PACS1: variants seen among roughly 807,000 people sequenced by gnomAD.
PACS1 encodes the protein PACS-1.
A neutral mutation model predicts 115.0 loss-of-function variants in PACS1; 24 were observed. The observed-to-expected ratio is 0.21, with a 90% CI of 0.15 to 0.29. The LOEUF (loss-of-function observed/expected upper bound fraction) is 0.29. Ranked by LOEUF, PACS1 falls within the 10% of genes least tolerant of loss-of-function variation. The pLI, the probability that PACS1 is intolerant of heterozygous loss-of-function variation, is 1.00. For missense variants in PACS1, 838 were observed against 1,251.2 expected (o/e 0.67, Z 4.98); for synonymous variants, 453 against 504.5 (o/e 0.90, Z 1.37).
intron 1 of PACS1, among the ~76,000 whole-genome samples, chr11:66,149,021 G>A (rs993194341): frequency 2.0e-5 from 3 of 151,458 alleles, no homozygotes; most frequent in South Asian, 2.1e-4. Flanking sequence ...GCATTTGGTC[G>A]AAAAGAGATT....
chr11:66,136,978 G>A (rs2134587206), intron 1 of PACS1, among the ~76,000 whole-genome samples: 1 of 151,014 alleles, frequency 6.6e-6, no homozygotes, highest in African/African-American at 2.4e-5. Flanking sequence ...GATTTTTGGG[G>A]ATTTTTGAAA....
At chr11:66,169,000 T>G (rs1287259870) in intron 1 of PACS1, among the ~76,000 whole-genome samples, 1 of 150,338 alleles carries the variant, frequency 6.7e-6, no homozygotes, top group African/African-American at 2.5e-5. Flanking sequence ...TTTTTATGTC[T>G]TTTTTGTTCT....
At chr11:66,234,969 C>T (rs948647615) in intron 17 of PACS1, among the ~76,000 whole-genome samples, 1 of 152,162 alleles carries the variant, frequency 6.6e-6, no homozygotes, top group African/African-American at 2.4e-5. Flanking sequence ...CCTGGCGCAA[C>T]TGAGAAGGAG....
At chr11:66,195,002 T>G (rs1003705463) in intron 2 of PACS1, among the ~76,000 whole-genome samples, 4 of 152,186 alleles carry the variant, frequency 2.6e-5, no homozygotes, top group African/African-American at 9.7e-5. Flanking sequence ...AGGTGGTGGA[T>G]CACTCAAGGT....
At chr11:66,105,310 C>G (rs1565108203) in intron 1 of PACS1, among the ~76,000 whole-genome samples, 1 of 152,148 alleles carries the variant, frequency 6.6e-6, no homozygotes, top group Non-Finnish European at 1.5e-5. Flanking sequence ...ATAATCCCAG[C>G]TACTCCAGAG....
chr11:66,179,782 T>C (rs954173098), intron 1 of PACS1, among the ~76,000 whole-genome samples: 1 of 152,246 alleles, frequency 6.6e-6, no homozygotes, highest in Admixed American at 6.5e-5. Context: ...TAAGTGCCCT[T>C]TAACAGTTAA....
chr11:66,114,770 A>G (rs1235008149), intron 1 of PACS1, among the ~76,000 whole-genome samples: 4 of 152,202 alleles, frequency 2.6e-5, no homozygotes, highest in Admixed American at 1.3e-4. Context: ...GTTCTCTGTG[A>G]CTGCGGACTT....
intron 2 of PACS1, among the ~76,000 whole-genome samples, chr11:66,196,731 G>A (rs554241656): frequency 6.6e-6 from 1 of 152,048 alleles, no homozygotes; most frequent in Admixed American, 6.6e-5. Flanking sequence ...CTGAGTAGCT[G>A]GGACTACAGG....
chr11:66,091,431 A>G (rs976050459), intron 1 of PACS1, among the ~76,000 whole-genome samples: 1 of 151,284 alleles, frequency 6.6e-6, no homozygotes, highest in African/African-American at 2.4e-5. Context: ...ATGAGCCACC[A>G]CGCCCAGCCT....
chr11:66,198,360 C>G (rs2134680306), intron 2 of PACS1, among the ~76,000 whole-genome samples: 1 of 152,320 alleles, frequency 6.6e-6, no homozygotes, highest in South Asian at 2.1e-4. Context: ...CAATCCAAGT[C>G]CATCAACTGA....
chr11:66,179,137 T>C (rs1326676760), intron 1 of PACS1, among the ~76,000 whole-genome samples: 1 of 152,218 alleles, frequency 6.6e-6, no homozygotes, highest in Non-Finnish European at 1.5e-5. Flanking sequence ...AAAAATGAAA[T>C]ACTGTCTCCC....
At chr11:66,073,105 G>C (rs1272043655) in intron 1 of PACS1, among the ~76,000 whole-genome samples, 1 of 152,218 alleles carries the variant, frequency 6.6e-6, no homozygotes, top group African/African-American at 2.4e-5. Flanking sequence ...CTTGTCCACT[G>C]TCCTGCTCCG....
rs1416838822 is a variant in PACS1 at position 66,244,395 on chromosome 11, A to T, written c.*1115A>T. 1 of 151,034 alleles carries T rather than the reference A, an allele frequency of 6.6e-6. No individual in the cohort carries two copies. Among genetic ancestry groups the T allele is most frequent in the African/African-American group, 2.5e-5 (1 of 40,716 alleles). 9.4% of individuals were successfully genotyped at this position (151,034 alleles called of 1,614,324 possible). ...CCTCCCTGTCACCTCCCTCTCACCA[A>T]CCCGGGGTCTGAGCCCCTCATTCCT... On this transcript the variant is annotated 3_prime_UTR_variant, in exon 24 of 24. Coordinates refer to ENST00000320580, the MANE Select transcript of PACS1 (RefSeq NM_018026.4).
At chr11:66,133,006 G>T (rs1041445921) in intron 1 of PACS1, among the ~76,000 whole-genome samples, 2 of 152,148 alleles carry the variant, frequency 1.3e-5, no homozygotes, top group African/African-American at 2.4e-5. Flanking sequence ...TATGGAACCT[G>T]TGGGTACAGA....
intron 1 of PACS1, among the ~76,000 whole-genome samples, chr11:66,097,788 C>T (rs1358144394): frequency 6.6e-6 from 1 of 152,170 alleles, no homozygotes; most frequent in Admixed American, 6.5e-5. Context: ...AACTCTGAGG[C>T]TTTAATTTGC....
intron 1 of PACS1, among the ~76,000 whole-genome samples, chr11:66,174,367 T>G (rs1859805233): frequency 6.6e-6 from 1 of 152,120 alleles, no homozygotes; most frequent in African/African-American, 2.4e-5. Flanking sequence ...CTTTTGACAG[T>G]TTCATAAGAA....
rs139704583 is a variant in PACS1 at position 66,216,783 on chromosome 11, T to A, written c.978+8T>A. ...ACCTCTGCCATCACAAGGGTGAGCC[T>A]CAAAGGTCTGGGGAGTGGTTGGCTA... is the stretch of plus-strand genomic sequence containing the variant. On this transcript the variant is annotated splice_region_variant and intron_variant, in intron 7 of 23. Transcript: ENST00000320580. 9 of 1,610,054 alleles carry A rather than the reference T, an allele frequency of 5.6e-6. No individual in the cohort carries two copies. In the African/African-American group the frequency reaches 9.4e-5, roughly 17 times the overall value.
chr11:66,221,024 T>A, intron 9 of PACS1, 130 bp from the exon 10 acceptor site: 1 of 952,402 alleles, frequency 1.0e-6, no homozygotes, highest in Non-Finnish European at 1.7e-6. Flanking sequence ...ACCCTGCACT[T>A]CCCTGCTCAC....
chr11:66,220,923 C>A, intron 9 of PACS1, 132 bp downstream of exon 9: 2 of 1,095,970 alleles, frequency 1.8e-6, no homozygotes, highest in Non-Finnish European at 2.6e-6. Flanking sequence ...CTCTGGCTGT[C>A]TTGGAGAAGG....
Sources: allele counts gnomAD v4.1 joint callset (sites outside exome capture counted in the v4.1 genomes callset), GRCh38; gene constraint gnomAD v4.1.1; transcripts MANE v1.5; gene names NCBI Gene and HGNC (gene_info 2026-07-23, HGNC 2026-07-21).